The following NKAIN2 variants were observed in gnomAD, a reference collection of about 807,000 sequenced individuals.
NKAIN2 encodes the protein sodium/potassium-transporting ATPase subunit beta-1-interacting protein 2.
A neutral mutation model predicts 32.6 loss-of-function variants in NKAIN2; 14 were observed. The observed-to-expected ratio is 0.43, with a 90% confidence interval of 0.28 to 0.67. The LOEUF (loss-of-function observed/expected upper bound fraction) is 0.67, where lower values mean the gene tolerates loss of function less well. Among genes scored for constraint, NKAIN2 ranks in the 30% least tolerant of loss-of-function variants. The pLI is 0.17. For missense variants in NKAIN2, 198 were observed against 258.3 expected (o/e 0.77, Z 1.60); for synonymous variants, 80 against 87.2 (o/e 0.92, Z 0.46).
intron 1 of NKAIN2, among the ~76,000 whole-genome samples, chr6:124,096,555 C>G (rs1022450120): frequency 6.6e-6 from 1 of 152,138 alleles, no homozygotes; most frequent in African/African-American, 2.4e-5. Flanking sequence ...AAGGCTTTCT[C>G]CATGTTCATC....
intron 4 of NKAIN2, among the ~76,000 whole-genome samples, chr6:124,743,239 A>C (rs1420841383): frequency 6.6e-6 from 1 of 151,986 alleles, no homozygotes; most frequent in African/African-American, 2.4e-5. Context: ...CATAGTTCCT[A>C]TGTCAGAAGA....
chr6:124,776,765 T>G (rs891012438), intron 4 of NKAIN2, among the ~76,000 whole-genome samples: 1 of 152,206 alleles, frequency 6.6e-6, no homozygotes, highest in African/African-American at 2.4e-5. Flanking sequence ...ACTGTTTTTT[T>G]CTTTAGCAAT....
intron 1 of NKAIN2, among the ~76,000 whole-genome samples, chr6:123,913,500 A>G (rs1423323760): frequency 2.0e-5 from 3 of 152,172 alleles, no homozygotes; most frequent in Non-Finnish European, 4.4e-5. Context: ...AGAAATAATC[A>G]GACCCTTCTT....
intron 1 of NKAIN2, among the ~76,000 whole-genome samples, chr6:123,831,167 G>A (rs1774363111): frequency 2.6e-5 from 4 of 151,858 alleles, no homozygotes; most frequent in Admixed American, 2.6e-4. Context: ...AACATATTTT[G>A]CCATTACCAT....
chr6:124,750,596 C>T (rs1433027361), intron 4 of NKAIN2, among the ~76,000 whole-genome samples: 1 of 151,750 alleles, frequency 6.6e-6, no homozygotes, highest in Non-Finnish European at 1.5e-5. Flanking sequence ...AATACATATG[C>T]TTCATTTACT....
At chr6:124,718,932 A>G (rs1278475631) in intron 4 of NKAIN2, among the ~76,000 whole-genome samples, 3 of 152,226 alleles carry the variant, frequency 2.0e-5, no homozygotes, top group Non-Finnish European at 2.9e-5. Flanking sequence ...ACTACAATTC[A>G]TAATATTTGT....
intron 3 of NKAIN2, among the ~76,000 whole-genome samples, chr6:124,569,116 C>T (rs1392638917): frequency 6.6e-6 from 1 of 152,146 alleles, no homozygotes; most frequent in Non-Finnish European, 1.5e-5. Context: ...GGTGACAAAA[C>T]GTTTTGAATA....
At chr6:123,879,089 A>AT (rs570012157) in intron 1 of NKAIN2, among the ~76,000 whole-genome samples, 5 of 152,224 alleles carry the variant, frequency 3.3e-5, no homozygotes, top group Non-Finnish European at 7.3e-5. Flanking sequence ...GTACTATGAC[A>AT]TGCAAATAAT....
At chr6:124,819,475 T>C (rs772661796) in intron 6 of NKAIN2, among the ~76,000 whole-genome samples, 1 of 152,192 alleles carries the variant, frequency 6.6e-6, no homozygotes, top group Non-Finnish European at 1.5e-5. Context: ...AGTTCAGAAA[T>C]CAACCAGTAT....
intron 1 of NKAIN2, among the ~76,000 whole-genome samples, chr6:124,181,739 A>G (rs1789456568): frequency 6.6e-6 from 1 of 152,074 alleles, no homozygotes; most frequent in African/African-American, 2.4e-5. Context: ...GGCTCCCAAC[A>G]GGTTTCTCAT....
At chr6:124,202,212 T>A (rs563911742) in intron 1 of NKAIN2, among the ~76,000 whole-genome samples, 9 of 151,946 alleles carry the variant, frequency 5.9e-5, no homozygotes, top group Admixed American at 5.9e-4. Flanking sequence ...GATTACACAT[T>A]AAGCATTTAA....
chr6:124,148,226 TTAACATTTTAAATAA>T (rs1470255587), intron 1 of NKAIN2, among the ~76,000 whole-genome samples: 3 of 152,152 alleles, frequency 2.0e-5, no homozygotes, highest in Non-Finnish European at 4.4e-5. Flanking sequence ...GATTACTATT[TTAACATTTTAAATAA>T]TAGCTTTATT....
At chr6:124,637,236 T>G (rs977095272) in intron 3 of NKAIN2, among the ~76,000 whole-genome samples, 24 of 152,114 alleles carry the variant, frequency 1.6e-4, no homozygotes, top group Middle Eastern at 6.8e-3. Flanking sequence ...AAAAGAAACA[T>G]ACCTTGACAG....
At chr6:124,257,022 C>T (rs1377157365) in intron 1 of NKAIN2, among the ~76,000 whole-genome samples, 1 of 149,178 alleles carries the variant, frequency 6.7e-6, no homozygotes, top group Non-Finnish European at 1.5e-5. Context: ...ATGGTTTTCT[C>T]GAAGGCGTTG....
chr6:124,708,076 C>T (rs986787780), intron 4 of NKAIN2, among the ~76,000 whole-genome samples: 10 of 149,444 alleles, frequency 6.7e-5, no homozygotes, highest in African/African-American at 2.5e-4. Flanking sequence ...CCAGTTTTCC[C>T]AGCACCATTT....
intron 3 of NKAIN2, among the ~76,000 whole-genome samples, chr6:124,501,398 T>G (rs566464417): frequency 1.3e-5 from 2 of 152,010 alleles, no homozygotes; most frequent in Non-Finnish European, 2.9e-5. Flanking sequence ...ATAATTAGTG[T>G]GCAGCAAATA....
intron 5 of NKAIN2, among the ~76,000 whole-genome samples, chr6:124,816,635 C>T (rs1452509073): frequency 6.6e-6 from 1 of 152,100 alleles, no homozygotes; most frequent in Non-Finnish European, 1.5e-5. Flanking sequence ...AGGATTTCCC[C>T]ACTACACAGA....
chr6:123,989,721 AT>A (rs1422785421), intron 1 of NKAIN2, among the ~76,000 whole-genome samples: 1 of 152,060 alleles, frequency 6.6e-6, no homozygotes, highest in Non-Finnish European at 1.5e-5. Flanking sequence ...GTCACAGGGA[AT>A]TTTTTTTAAA....
chr6:124,624,884 TTG>T (rs1191088820), intron 3 of NKAIN2, among the ~76,000 whole-genome samples: 2 of 152,140 alleles, frequency 1.3e-5, no homozygotes, highest in African/African-American at 4.8e-5. Flanking sequence ...AAATGCATCA[TTG>T]TGTTTTCTCA....
Sources: allele counts gnomAD v4.1 joint callset (sites outside exome capture counted in the v4.1 genomes callset), GRCh38; gene constraint gnomAD v4.1.1; transcripts MANE v1.5; gene names NCBI Gene and HGNC (gene_info 2026-07-23, HGNC 2026-07-21).